AK5: variants seen among roughly 807,000 people sequenced by gnomAD.
AK5 encodes the protein adenylate kinase 5.
In AK5, 27 loss-of-function variants were observed where a neutral mutation model predicts 69.5. That is an observed-to-expected ratio of 0.39 (90% CI 0.29 to 0.54). The LOEUF (loss-of-function observed/expected upper bound fraction) is 0.54. Ranked by LOEUF, AK5 falls within the 20% of genes least tolerant of loss-of-function variation. The probability of loss-of-function intolerance (pLI) is 0.71; values close to 1 mark genes in which losing one functional copy is unlikely to be tolerated. For synonymous variants in AK5, 260 were observed against 244.4 expected, an observed-to-expected ratio of 1.06 and a Z score of -0.60; for missense variants, 531 against 700.4, an observed-to-expected ratio of 0.76 and a Z score of 2.73.
intron 8 of AK5, among the ~76,000 whole-genome samples, chr1:77,435,153 G>A (rs1407772405): frequency 6.6e-6 from 1 of 152,138 alleles, no homozygotes; most frequent in East Asian, 1.9e-4. Flanking sequence ...GCAAAAAGAT[G>A]TATCCTCTCA....
At chr1:77,553,930 A>G (rs1478548814) in intron 13 of AK5, among the ~76,000 whole-genome samples, 17 of 152,222 alleles carry the variant, frequency 1.1e-4, no homozygotes, top group Non-Finnish European at 1.2e-4. Context: ...ATCCCAAGGC[A>G]TGTTTGGAAC....
intron 8 of AK5, among the ~76,000 whole-genome samples, chr1:77,450,798 CAA>C (rs143406231): frequency 0.057 from 8,621 of 152,202 alleles, 275 homozygotes; most frequent in Middle Eastern, 0.11. Context: ...TAAGAAATGT[CAA>C]GTTTGTGTTT....
intron 8 of AK5, among the ~76,000 whole-genome samples, chr1:77,458,709 C>A (rs1653649139): frequency 6.6e-6 from 1 of 152,142 alleles, no homozygotes; most frequent in Non-Finnish European, 1.5e-5. Context: ...GACCCACCCC[C>A]AGGATTCAAT....
chr1:77,475,784 G>A (rs1008912706), intron 8 of AK5, among the ~76,000 whole-genome samples: 4 of 151,778 alleles, frequency 2.6e-5, no homozygotes, highest in African/African-American at 9.7e-5. Flanking sequence ...AACTTTACAT[G>A]AAATTAAAAT....
intron 8 of AK5, among the ~76,000 whole-genome samples, chr1:77,470,848 TATATATATATATATA>T (rs1557615545): frequency 0.046 from 590 of 12,826 alleles, 55 homozygotes; most frequent in South Asian, 0.07. Flanking sequence ...TATATATATA[TATATATATATATATA>T]TATATATATA....
intron 8 of AK5, among the ~76,000 whole-genome samples, chr1:77,418,300 G>A (rs115940446): frequency 0.017 from 2,607 of 152,158 alleles, 73 homozygotes; most frequent in African/African-American, 0.06. Context: ...TAAAACCATC[G>A]GATCTTGTGA....
rs78547746 is a variant in AK5 at position 77,372,192 on chromosome 1, T to C, written c.891+31624T>C. Among the ~76,000 whole-genome samples, 291 of 152,192 alleles carry C rather than the reference T, an allele frequency of 1.9e-3. 8 individuals carry two copies. The East Asian group carries it at 0.045, about 23-fold the overall frequency. ...ACTAGATTTAAAACAAAAAAAAAAT[T>C]CCTTGGAAATGTTACAGTGAATTTT... On this transcript the variant is annotated intron_variant, in intron 6 of 13. Transcript: ENST00000354567.
At chr1:77,320,289 G>A (rs578188435) in intron 5 of AK5, among the ~76,000 whole-genome samples, 94 of 152,114 alleles carry the variant, frequency 6.2e-4, no homozygotes, top group Non-Finnish European at 1.2e-3. Context: ...TACAATTCAA[G>A]ATGAGATTTG....
At chr1:77,294,983 G>T (rs115796845) in intron 3 of AK5, among the ~76,000 whole-genome samples, 1 of 152,008 alleles carries the variant, frequency 6.6e-6, no homozygotes, top group Non-Finnish European at 1.5e-5. Flanking sequence ...GAACTCCACT[G>T]CACTCCAGTC....
chr1:77,468,253 T>C (rs1473262028), intron 8 of AK5, among the ~76,000 whole-genome samples: 22 of 152,350 alleles, frequency 1.4e-4, no homozygotes, highest in Admixed American at 1.4e-3. Context: ...ACATTTAATA[T>C]GGAAAAAATT....
rs189954416 is a variant in AK5, at chr1:77,308,401, G to A, written c.699+10454G>A. Among the ~76,000 whole-genome samples the A allele has an allele frequency of 7.0e-3, 1,017 of 145,024 alleles. 9 individuals are homozygous for A. Among genetic ancestry groups the A allele is most frequent in the Admixed American group, 0.011 (157 of 14,092 alleles). On this transcript the variant is annotated intron_variant, in intron 5 of 13. Coordinates refer to ENST00000354567, the MANE Select transcript of AK5 (RefSeq NM_174858.3). ...TTGCAGTGAGCTGAGATAGCGCCAC[G>A]GCACTCCAGCCTGGGCGACAGCGAG...
intron 12 of AK5, among the ~76,000 whole-genome samples, chr1:77,524,543 GA>G (rs1381780238): frequency 6.6e-6 from 1 of 152,148 alleles, no homozygotes; most frequent in East Asian, 1.9e-4. Flanking sequence ...GTTCTCTAAT[GA>G]TTAGTGACAT....
intron 8 of AK5, among the ~76,000 whole-genome samples, chr1:77,456,096 G>A (rs1653465632): frequency 6.6e-6 from 1 of 152,172 alleles, no homozygotes. Context: ...ATTCAGCTCG[G>A]ACTTTGTCCA....
chr1:77,445,486 C>A (rs530271611), intron 8 of AK5, among the ~76,000 whole-genome samples: 121 of 152,256 alleles, frequency 7.9e-4, no homozygotes, highest in African/African-American at 2.8e-3. Context: ...ATATATTTTC[C>A]TGCTACCAGA....
chr1:77,384,832 G>T (rs1022747738), intron 6 of AK5, among the ~76,000 whole-genome samples: 1 of 152,124 alleles, frequency 6.6e-6, no homozygotes, highest in Non-Finnish European at 1.5e-5. Flanking sequence ...CGGTAATGAT[G>T]ACACTACTAC....
At chr1:77,317,740 A>G (rs950259614) in intron 5 of AK5, among the ~76,000 whole-genome samples, 2 of 152,190 alleles carry the variant, frequency 1.3e-5, no homozygotes. Flanking sequence ...AAAACCTTTC[A>G]TGACAATTAT....
intron 5 of AK5, among the ~76,000 whole-genome samples, chr1:77,316,806 G>T (rs1660269032): frequency 6.6e-6 from 1 of 152,130 alleles, no homozygotes; most frequent in African/African-American, 2.4e-5. Flanking sequence ...ATTGCAATTT[G>T]CTGTGATGCT....
At chr1:77,518,437 A>G in intron 10 of AK5, 127 bp from the exon 11 acceptor site, 1 of 952,956 alleles carries the variant, frequency 1.0e-6, no homozygotes, top group South Asian at 1.7e-5. Context: ...CTCCTGGTAT[A>G]GCAAATCTCA....
chr1:77,377,505 T>C (rs1438739117), intron 6 of AK5, among the ~76,000 whole-genome samples: 1 of 152,176 alleles, frequency 6.6e-6, no homozygotes, highest in Non-Finnish European at 1.5e-5. Flanking sequence ...TCCCATGCCA[T>C]CTTTTCTTGC....
Sources: gnomAD v4.1 joint callset for allele counts (sites outside exome capture counted in the v4.1 genomes callset) on GRCh38, gnomAD v4.1.1 for gene constraint, MANE v1.5 for transcripts, NCBI Gene and HGNC (gene_info 2026-07-23, HGNC 2026-07-21) for gene names.